The following MTO1 variants were observed in gnomAD, a reference collection of about 807,000 sequenced individuals.
The protein encoded by MTO1 is 5-taurinomethyluridine-[tRNA] synthase subunit MTO1, mitochondrial.
A neutral mutation model predicts 71.6 loss-of-function variants in MTO1; 46 were observed. The ratio of observed to expected loss-of-function variants is 0.64; its 90% CI spans 0.51 to 0.82. MTO1 has a LOEUF of 0.82. Ranked by LOEUF, MTO1 falls within the 40% of genes least tolerant of loss-of-function variation. The pLI is 0.00. For synonymous variants in MTO1, 297 were observed against 312.1 expected, an observed-to-expected ratio of 0.95 and a Z score of 0.51; for missense variants, 773 against 867.5, an observed-to-expected ratio of 0.89 and a Z score of 1.37.
At chr6:73,463,203 T>G (rs1027943565) in intron 1 of MTO1, among the ~76,000 whole-genome samples, 1 of 151,930 alleles carries the variant, frequency 6.6e-6, no homozygotes, top group Non-Finnish European at 1.5e-5. Context: ...TTTTTTTTCT[T>G]TGTATTTTTA....
Position 73,502,914 on chromosome 6 carries a change from A to C in MTO1, c.*2179A>C, listed in dbSNP as rs1376473456. ...CTGTCTCAAAAAAAAAAAAAGAAAC[A>C]GGAAGTTCAAATATTTTGGGAGGTT... On this transcript the variant is annotated 3_prime_UTR_variant, in exon 12 of 12. Transcript: ENST00000498286. The C allele has an allele frequency of 6.6e-6, 1 of 151,852 alleles. No individual in the cohort carries two copies. The highest frequency in any genetic ancestry group is 1.5e-5 in the Non-Finnish European group (1 of 68,002). The allele number at this position is 151,852 out of a possible 1,614,324, so 9.4% of individuals were successfully genotyped here.
In MTO1 at chr6:73,473,354, T is replaced by G. The variant is rs752736172; in HGVS notation, c.536-11T>G. The G allele has an allele frequency of 7.5e-6, 12 of 1,593,588 alleles. No homozygotes were observed. The highest frequency in any genetic ancestry group is 1.0e-5 in the Non-Finnish European group (12 of 1,169,398). ...TAGATAATGACTTTATTCTTTTTTC[T>G]TGTTATTTAGTGGATGGAAGCACAG... On this transcript the variant is annotated splice_polypyrimidine_tract_variant and intron_variant, in intron 3 of 11. Coordinates refer to ENST00000498286, the MANE Select transcript of MTO1 (RefSeq NM_012123.4).
rs774699985 is a variant in MTO1, at chr6:73,462,066, C to T, written c.212C>T (p.Thr71Met). Residue 71 changes from threonine (T) to methionine (M), a missense_variant, in exon 1 of 12, where the codon ACG becomes ATG. By Grantham distance (81) the Thr-to-Met change is moderately conservative. Transcript: ENST00000498286. ...RTLLLTHRVDTIGQMSCNPSF... is the reference protein window; with the variant it reads ...RTLLLTHRVDMIGQMSCNPSF... The stretch of plus-strand genomic sequence containing the variant: ...CTGCTCCTCACTCACCGCGTGGACA[C>T]GATCGGTGAGGAGCGCGGGTGCTGT... 6.2e-7 allele frequency: 1 copy of T among 1,613,254 alleles called. No individual in the cohort carries two copies. The highest frequency in any genetic ancestry group is 1.3e-5 in the African/African-American group (1 of 74,930).
intron 11 of MTO1, among the ~76,000 whole-genome samples, chr6:73,499,260 C>A (rs1772087353): frequency 6.6e-6 from 1 of 152,012 alleles, no homozygotes; most frequent in Non-Finnish European, 1.5e-5. Flanking sequence ...GACTTTGTCC[C>A]TTCCTATTGA....
intron 4 of MTO1, among the ~76,000 whole-genome samples, chr6:73,475,153 G>C (rs1389157836): frequency 6.6e-6 from 1 of 151,864 alleles, no homozygotes; most frequent in Non-Finnish European, 1.5e-5. Context: ...AATAGAGACA[G>C]GGTCTCGCCA....
chr6:73,508,876 C>G lies in MTO1; in HGVS notation c.*8141C>G, dbSNP rs1053905530. The stretch of plus-strand genomic sequence containing the variant: ...ATGGCTAAAGATGGGGACTGTAGGT[C>G]AATGCTCCACGAGGTTCTTCTTTTG... On this transcript the variant is annotated 3_prime_UTR_variant, in exon 12 of 12. Coordinates refer to ENST00000498286, the MANE Select transcript of MTO1 (RefSeq NM_012123.4). 2 of 152,186 alleles carry G rather than the reference C, an allele frequency of 1.3e-5. No individual in the cohort carries two copies. The highest frequency in any genetic ancestry group is 4.8e-5 in the African/African-American group (2 of 41,438). The allele number at this position is 152,186 out of a possible 1,614,324, so 9.4% of individuals were successfully genotyped here. A position where few individuals can be genotyped will look rare whatever the true frequency, so the allele number is the denominator to read the frequency against.
intron 10 of MTO1, 69 bp downstream of exon 10, chr6:73,492,421 T>C: frequency 9.4e-7 from 1 of 1,063,942 alleles, no homozygotes; most frequent in Non-Finnish European, 1.5e-6. Flanking sequence ...AACAGATCCA[T>C]TATTACTGTT....
intron 3 of MTO1, chr6:73,471,695 G>A (rs1157763779): frequency 6.1e-6 from 1 of 164,020 alleles, no homozygotes; most frequent in Admixed American, 6.4e-5. Context: ...TCATATTATA[G>A]TCATGAGCCA....
intron 9 of MTO1, chr6:73,492,032 G>T (rs563284888): frequency 3.5e-5 from 15 of 424,186 alleles, no homozygotes; most frequent in Non-Finnish European, 6.1e-5. Context: ...AACCCAGCAG[G>T]TGGGGATTGC....
rs1470898437 is a variant in MTO1 at position 73,504,761 on chromosome 6, C to A, written c.*4026C>A. On this transcript the variant is annotated 3_prime_UTR_variant, in exon 12 of 12. Coordinates refer to ENST00000498286, the MANE Select transcript of MTO1 (RefSeq NM_012123.4). ...AATAAGCCAAGCATGGTGGCACGTA[C>A]CTGTTGTTCCAGCAACTTGGGGGCT... 6.6e-6 allele frequency: 1 copy of A among 152,078 alleles called. No homozygotes were observed. The highest frequency in any genetic ancestry group is 1.5e-5 in the Non-Finnish European group (1 of 68,064). 9.4% of individuals were successfully genotyped at this position (152,078 alleles called of 1,614,324 possible). A position where few individuals can be genotyped will look rare whatever the true frequency, so the allele number is the denominator to read the frequency against.
chr6:73,481,328 G>T (rs547538639), intron 7 of MTO1, among the ~76,000 whole-genome samples: 1 of 152,222 alleles, frequency 6.6e-6, no homozygotes, highest in East Asian at 1.9e-4. Context: ...ATTTTGATTA[G>T]ATGTATTGCT....
intron 9 of MTO1, among the ~76,000 whole-genome samples, chr6:73,484,753 G>C (rs1311323470): frequency 3.3e-5 from 5 of 152,006 alleles, no homozygotes; most frequent in Admixed American, 6.6e-5. Flanking sequence ...TTCAAAAGTT[G>C]GACAAATAAT....
intron 10 of MTO1, 146 bp downstream of exon 10, chr6:73,492,498 C>A: frequency 1.7e-6 from 1 of 577,026 alleles, no homozygotes; most frequent in Non-Finnish European, 3.1e-6. Context: ...CATTGCAACA[C>A]CTACAAGCTT....
intron 1 of MTO1, among the ~76,000 whole-genome samples, chr6:73,462,912 G>A (rs1204937946): frequency 2.0e-5 from 3 of 151,946 alleles, no homozygotes; most frequent in African/African-American, 7.3e-5. Flanking sequence ...AACTTTTCCT[G>A]CCTCTGCCTA....
At chr6:73,498,747 A>G (rs1324232830) in intron 11 of MTO1, among the ~76,000 whole-genome samples, 3 of 151,446 alleles carry the variant, frequency 2.0e-5, no homozygotes, top group Admixed American at 2.0e-4. Flanking sequence ...TTTTTTTGAA[A>G]TGGAGTCTCA....
intron 10 of MTO1, among the ~76,000 whole-genome samples, chr6:73,497,437 A>T (rs553557207): frequency 6.6e-6 from 1 of 152,154 alleles, no homozygotes; most frequent in Admixed American, 6.6e-5. Context: ...TACAGGCATG[A>T]GCCACCATGC....
intron 11 of MTO1, 87 bp from the exon 12 acceptor site, chr6:73,500,487 T>C: frequency 2.6e-6 from 3 of 1,162,858 alleles, no homozygotes; most frequent in Non-Finnish European, 2.4e-6. Context: ...GTATAAACTA[T>C]ACTATACAGA....
At chr6:73,488,468 C>T (rs1274999196) in intron 9 of MTO1, among the ~76,000 whole-genome samples, 8 of 152,110 alleles carry the variant, frequency 5.3e-5, no homozygotes, top group South Asian at 2.1e-4. Context: ...CACCATGCCT[C>T]GCCAGATTTT....
chr6:73,488,205 C>T (rs1242443077), intron 9 of MTO1, among the ~76,000 whole-genome samples: 1 of 151,744 alleles, frequency 6.6e-6, no homozygotes, highest in African/African-American at 2.4e-5. Context: ...ACAGGGTCTC[C>T]CTCTGTCACC....
Sources: allele counts gnomAD v4.1 joint callset (sites outside exome capture counted in the v4.1 genomes callset), GRCh38; gene constraint gnomAD v4.1.1; transcripts MANE v1.5; gene names NCBI Gene and HGNC (gene_info 2026-07-23, HGNC 2026-07-21).